Variants in TMEM132D observed in about 807,000 individuals in gnomAD.
The protein encoded by TMEM132D is mature OL transmembrane protein.
In TMEM132D, 21 loss-of-function variants were observed where a neutral mutation model predicts 62.3. That is an observed-to-expected ratio of 0.34 (90% CI 0.24 to 0.49). The LOEUF is 0.49. TMEM132D is among the 20% of genes least tolerant of loss of function. The probability of loss-of-function intolerance (pLI) is 0.99; values close to 1 mark genes in which losing one functional copy is unlikely to be tolerated. For missense variants in TMEM132D, 1,346 were observed against 1,402.8 expected, an observed-to-expected ratio of 0.96 and a Z score of 0.65; for synonymous variants, 621 against 575.6, an observed-to-expected ratio of 1.08 and a Z score of -1.13.
intron 1 of TMEM132D, among the ~76,000 whole-genome samples, chr12:129,778,698 C>T (rs568059687): frequency 7.2e-5 from 11 of 152,206 alleles, no homozygotes; most frequent in Non-Finnish European, 1.6e-4. Context: ...ACTCTGACCC[C>T]GGCATGGTTG....
At chr12:129,076,624 C>A (rs114239136) in intron 8 of TMEM132D, among the ~76,000 whole-genome samples, 1,591 of 152,338 alleles carry the variant, frequency 0.01, 28 homozygotes, top group African/African-American at 0.036. Flanking sequence ...GCAAAAGCTA[C>A]TGGACATGAC....
intron 3 of TMEM132D, among the ~76,000 whole-genome samples, chr12:129,406,041 C>A (rs1323685248): frequency 6.6e-6 from 1 of 152,168 alleles, no homozygotes; most frequent in Non-Finnish European, 1.5e-5. Context: ...TAGAAGTATT[C>A]TTTCTTCATA....
intron 2 of TMEM132D, among the ~76,000 whole-genome samples, chr12:129,599,372 A>G (rs749751862): frequency 5.3e-5 from 8 of 152,350 alleles, no homozygotes; most frequent in Non-Finnish European, 1.2e-4. Flanking sequence ...TGTGATTTTG[A>G]ATTACAGAGG....
chr12:129,817,418 C>T (rs181604404), intron 1 of TMEM132D, among the ~76,000 whole-genome samples: 14 of 151,372 alleles, frequency 9.2e-5, no homozygotes, highest in Admixed American at 7.9e-4. Flanking sequence ...CAATGGAGAG[C>T]ATGGAGAAAT....
chr12:129,662,559 C>T (rs943769681), intron 2 of TMEM132D, among the ~76,000 whole-genome samples: 1 of 152,116 alleles, frequency 6.6e-6, no homozygotes, highest in Non-Finnish European at 1.5e-5. Context: ...CTTTGGGAGG[C>T]CAAGGCAGGC....
chr12:129,192,633 T>TAATCTTTATTCTC (rs1878437299), intron 5 of TMEM132D, among the ~76,000 whole-genome samples: 1 of 152,220 alleles, frequency 6.6e-6, no homozygotes, highest in Non-Finnish European at 1.5e-5. Context: ...CTCTTCTTAT[T>TAATCTTTATTCTC]AATCTTTATT....
intron 2 of TMEM132D, among the ~76,000 whole-genome samples, chr12:129,662,428 T>G (rs1049404390): frequency 1.3e-5 from 2 of 152,192 alleles, no homozygotes; most frequent in Non-Finnish European, 2.9e-5. Context: ...TAATGACCTA[T>G]GTGGATAAAA....
intron 3 of TMEM132D, among the ~76,000 whole-genome samples, chr12:129,467,715 G>A (rs889204145): frequency 6.6e-6 from 1 of 152,172 alleles, no homozygotes; most frequent in Non-Finnish European, 1.5e-5. Flanking sequence ...TGTGTGGGAA[G>A]GCATGGCAGA....
intron 1 of TMEM132D, among the ~76,000 whole-genome samples, chr12:129,824,267 C>T (rs184637000): frequency 7.9e-5 from 12 of 152,334 alleles, no homozygotes; most frequent in Admixed American, 2.6e-4. Flanking sequence ...CTTTCTACTA[C>T]ATAGCAGGCT....
chr12:129,772,862 T>G (rs1813366567), intron 1 of TMEM132D, among the ~76,000 whole-genome samples: 1 of 152,246 alleles, frequency 6.6e-6, no homozygotes, highest in African/African-American at 2.4e-5. Context: ...AACTCCTGGC[T>G]CGGACTTCCT....
At chr12:129,182,059 T>C (rs1338662353) in intron 5 of TMEM132D, among the ~76,000 whole-genome samples, 1 of 152,010 alleles carries the variant, frequency 6.6e-6, no homozygotes, top group African/African-American at 2.4e-5. Flanking sequence ...TCTGCAACCA[T>C]TATGGATAGA....
chr12:129,428,773 GA>G (rs1300467753), intron 3 of TMEM132D, among the ~76,000 whole-genome samples: 1 of 152,178 alleles, frequency 6.6e-6, no homozygotes, highest in Admixed American at 6.5e-5. Flanking sequence ...TACTCCCTAA[GA>G]AAGCACTTGA....
intron 1 of TMEM132D, among the ~76,000 whole-genome samples, chr12:129,859,935 G>A (rs935200029): frequency 8.5e-5 from 13 of 152,276 alleles, no homozygotes; most frequent in Admixed American, 2.0e-4. Flanking sequence ...TGGATCTTGC[G>A]AGTCAATTCT....
chr12:129,466,939 T>A lies in TMEM132D; in HGVS notation c.1115+64120A>T, dbSNP rs75495579. Among the ~76,000 whole-genome samples, 995 of 152,320 alleles carry A rather than the reference T, an allele frequency of 6.5e-3. 6 individuals carry two copies. Among genetic ancestry groups the A allele is most frequent in the African/African-American group, 0.022 (908 of 41,574 alleles). ...TTCTCCAAGGTGTCTATTGACCTAC[T>A]CTGCACTGCTGTAATTATTTACATC... On this transcript the variant is annotated intron_variant, in intron 3 of 8. Coordinates refer to ENST00000422113, the MANE Select transcript of TMEM132D (RefSeq NM_133448.3).
chr12:129,552,589 T>C (rs1308261518), intron 2 of TMEM132D, among the ~76,000 whole-genome samples: 1 of 151,390 alleles, frequency 6.6e-6, no homozygotes, highest in African/African-American at 2.4e-5. Flanking sequence ...ACATCCATTA[T>C]CTATTTTCTA....
chr12:129,152,009 C>G (rs1036835489), intron 5 of TMEM132D, among the ~76,000 whole-genome samples: 1 of 151,854 alleles, frequency 6.6e-6, no homozygotes, highest in Non-Finnish European at 1.5e-5. Context: ...TCCCAAGTAG[C>G]TGGGACTACA....
At chr12:129,430,386 G>A (rs962687115) in intron 3 of TMEM132D, among the ~76,000 whole-genome samples, 2 of 152,146 alleles carry the variant, frequency 1.3e-5, no homozygotes, top group African/African-American at 2.4e-5. Context: ...GTCTTCTTTT[G>A]AGAAGTGTCT....
chr12:129,745,857 T>C (rs911431249), intron 1 of TMEM132D, among the ~76,000 whole-genome samples: 1 of 152,030 alleles, frequency 6.6e-6, no homozygotes, highest in Non-Finnish European at 1.5e-5. Flanking sequence ...CTGCGTAGAG[T>C]GAAGGTCTCT....
At chr12:129,270,982 T>C (rs1449021019) in intron 4 of TMEM132D, among the ~76,000 whole-genome samples, 1 of 152,270 alleles carries the variant, frequency 6.6e-6, no homozygotes, top group African/African-American at 2.4e-5. Context: ...CCACCTGTGG[T>C]TGCACCCTGT....
Sources: gnomAD v4.1 joint callset for allele counts (sites outside exome capture counted in the v4.1 genomes callset) on GRCh38, gnomAD v4.1.1 for gene constraint, MANE v1.5 for transcripts, NCBI Gene and HGNC (gene_info 2026-07-23, HGNC 2026-07-21) for gene names.